Variants in ASIC2 observed in about 807,000 individuals in gnomAD.
The protein encoded by ASIC2 is acid sensing ion channel subunit 2.
ASIC2 carries 25 observed loss-of-function variants against 57.3 expected under a neutral mutation model. That is an observed-to-expected ratio of 0.44 (90% confidence interval 0.32 to 0.61). ASIC2 has a LOEUF of 0.61. Among genes scored for constraint, ASIC2 ranks in the 20% least tolerant of loss-of-function variants. The pLI is 0.06. For synonymous variants in ASIC2, 319 were observed against 307.5 expected (o/e 1.04, Z -0.39); for missense variants, 641 against 738.1 (o/e 0.87, Z 1.52).
Position 34,156,258 on chromosome 17 carries a change from C to G in ASIC2, c.275G>C (p.Cys92Ser). 1 of 1,614,182 alleles carries G rather than the reference C, an allele frequency of 6.2e-7. No individual in the cohort carries two copies. The highest frequency in any genetic ancestry group is 8.5e-7 in the Non-Finnish European group (1 of 1,180,042). The change falls in exon 1 of 10, where the codon TGT becomes TCT. Residue 92 changes from cysteine to serine, a missense_variant. Coordinates refer to the ASIC2 transcript ENST00000359872. The surrounding 1 kb of genome is among the most constrained non-coding windows in gnomAD (Gnocchi z 4.4). ...GGAGAACCGGAAGCCATTCAGGTTACAGAGGGTCACAGCTGGGAAGACCAG... is the reference window on the plus strand; with the variant it reads ...GGAGAACCGGAAGCCATTCAGGTTAGAGAGGGTCACAGCTGGGAAGACCAG...
At chr17:34,044,130 GCA>G (rs762163810) in intron 1 of ASIC2, among the ~76,000 whole-genome samples, 1,106 of 108,638 alleles carry the variant, frequency 0.01, 1 homozygote, top group Non-Finnish European at 0.017. Context: ...ACACACGCAC[GCA>G]CACACACACA....
At chr17:33,723,285 T>C (rs1264010540) in intron 1 of ASIC2, among the ~76,000 whole-genome samples, 1 of 152,182 alleles carries the variant, frequency 6.6e-6, no homozygotes, top group Non-Finnish European at 1.5e-5. Context: ...ATGATTTCAT[T>C]CCAAACACTC....
chr17:33,106,376 T>C (rs142774973), intron 2 of ASIC2, among the ~76,000 whole-genome samples: 223 of 152,266 alleles, frequency 1.5e-3, no homozygotes, highest in African/African-American at 4.5e-3. Context: ...TCAGGGCAGA[T>C]TGTATTTGAT....
At chr17:33,220,028 G>A (rs1907634230) in intron 1 of ASIC2, among the ~76,000 whole-genome samples, 1 of 152,140 alleles carries the variant, frequency 6.6e-6, no homozygotes, top group Non-Finnish European at 1.5e-5. Flanking sequence ...AAAAATTACT[G>A]TCATGAAAAA....
chr17:33,930,413 C>A (rs1054979205), intron 1 of ASIC2, among the ~76,000 whole-genome samples: 8 of 152,204 alleles, frequency 5.3e-5, no homozygotes, highest in African/African-American at 1.9e-4. Context: ...CCTTTCACAA[C>A]CCTGGTTCAG....
At chr17:33,607,045 G>C (rs11651059) in intron 1 of ASIC2, among the ~76,000 whole-genome samples, 1 of 151,930 alleles carries the variant, frequency 6.6e-6, no homozygotes, top group African/African-American at 2.4e-5. Flanking sequence ...CCAAGCCCCT[G>C]CTGAATCCCT....
In ASIC2 at chr17:33,398,457, G is replaced by A. The variant is rs73287846; in HGVS notation, c.556-286390C>T. Reference sequence around the variant, plus strand: ...AGACAGCATTGGGCCTCTTGGTGATGATGGTAGCAGTCATTGTGGTTATGA... The same window carrying A: ...AGACAGCATTGGGCCTCTTGGTGATAATGGTAGCAGTCATTGTGGTTATGA... On this transcript the variant is annotated intron_variant, in intron 1 of 9. Transcript: ENST00000359872. Among the ~76,000 whole-genome samples the A allele has an allele frequency of 2.1e-3, 321 of 152,310 alleles. 1 individual carries two copies. Among genetic ancestry groups the A allele is most frequent in the African/African-American group, 7.5e-3 (313 of 41,574 alleles).
rs147915546 is a variant in ASIC2 at position 33,515,940 on chromosome 17, T to C, written c.556-403873A>G. ...GCAAAACCCGGTCTCTAAAAAAAAA[T>C]ACAAAAATTAGCTGGGCGTGGTGGT... On this transcript the variant is annotated intron_variant, in intron 1 of 9. Coordinates refer to the ASIC2 transcript ENST00000359872. Among the ~76,000 whole-genome samples the C allele has an allele frequency of 3.2e-3, 491 of 151,824 alleles. 3 individuals carry two copies. Among genetic ancestry groups the C allele is most frequent in the African/African-American group, 0.011 (471 of 41,402 alleles).
chr17:34,123,188 G>T (rs1371677579), intron 1 of ASIC2, among the ~76,000 whole-genome samples: 1 of 152,096 alleles, frequency 6.6e-6, no homozygotes, highest in African/African-American at 2.4e-5. Context: ...CAGACAATCT[G>T]GTCTATTAAG....
intron 1 of ASIC2, among the ~76,000 whole-genome samples, chr17:33,757,494 A>T (rs143649665): frequency 2.3e-3 from 351 of 152,202 alleles, no homozygotes; most frequent in African/African-American, 8.0e-3. Context: ...TTCATTTTGC[A>T]CTTAATGGCC....
intron 1 of ASIC2, chr17:33,816,703 CAG>C: frequency 6.6e-6 from 1 of 152,302 alleles, no homozygotes; most frequent in South Asian, 2.1e-4. Context: ...TCACCAGCCA[CAG>C]AGAGGGGAAG....
rs549232995 is a variant in ASIC2, at chr17:33,904,893, A to G, written c.555+251085T>C. On this transcript the variant is annotated intron_variant, in intron 1 of 9. Coordinates refer to the ASIC2 transcript ENST00000359872. ...TTCTTGCGAGCAGGCTTGTATGCCA[A>G]CCAGAAGGCTAACAGCCTTAATTAC... Among the ~76,000 whole-genome samples, 20 of 152,336 alleles carry G rather than the reference A, an allele frequency of 1.3e-4. No individual in the cohort carries two copies. The East Asian group carries it at 3.9e-3, about 29-fold the overall frequency.
At chr17:34,095,635 A>T (rs1274446635) in intron 1 of ASIC2, among the ~76,000 whole-genome samples, 3 of 98,024 alleles carry the variant, frequency 3.1e-5, no homozygotes, top group Non-Finnish European at 6.4e-5. Flanking sequence ...ATATAATTTT[A>T]TATATATATA....
intron 1 of ASIC2, among the ~76,000 whole-genome samples, chr17:33,593,372 A>G (rs1397732704): frequency 1.1e-5 from 1 of 92,858 alleles, no homozygotes; most frequent in African/African-American, 8.2e-5. Context: ...GTAAAAAAAA[A>G]AGCACATTGT....
chr17:33,798,971 T>C (rs1277850719), intron 1 of ASIC2, among the ~76,000 whole-genome samples: 1 of 152,198 alleles, frequency 6.6e-6, no homozygotes, highest in East Asian at 1.9e-4. Context: ...GAAGTCTGTG[T>C]GGGACCCAGC....
intron 1 of ASIC2, among the ~76,000 whole-genome samples, chr17:33,545,301 A>C (rs1169575664): frequency 6.6e-6 from 1 of 152,190 alleles, no homozygotes; most frequent in Admixed American, 6.5e-5. Context: ...CATGGCTGTG[A>C]GACCCAGTCC....
chr17:33,291,373 G>A (rs750600354), intron 1 of ASIC2, 35 bp downstream of exon 1: 7 of 1,564,772 alleles, frequency 4.5e-6, no homozygotes. Context: ...GGAGTGGGGC[G>A]CAGAGGGAGC....
At chr17:33,408,069 G>A (rs118096017) in intron 1 of ASIC2, among the ~76,000 whole-genome samples, 4,164 of 152,186 alleles carry the variant, frequency 0.027, 102 homozygotes, top group East Asian at 0.12. Flanking sequence ...ACATGTACCC[G>A]ACAGCCTTGG....
chr17:33,783,391 G>T (rs1275433587), intron 1 of ASIC2, among the ~76,000 whole-genome samples: 2 of 152,238 alleles, frequency 1.3e-5, no homozygotes, highest in African/African-American at 4.8e-5. Flanking sequence ...GATAGTGATT[G>T]CACTTACATC....
Sources: allele counts gnomAD v4.1 joint callset (sites outside exome capture counted in the v4.1 genomes callset), GRCh38; gene constraint gnomAD v4.1.1; non-coding constraint Gnocchi (gnomAD v3.1); transcripts MANE v1.5; gene names NCBI Gene and HGNC (gene_info 2026-07-23, HGNC 2026-07-21).